The following FGF14 variants were observed in gnomAD, a reference collection of about 807,000 sequenced individuals.
FGF14 encodes fibroblast growth factor homologous factor 4.
In FGF14, 5 loss-of-function variants were observed where a neutral mutation model predicts 25.5. The observed-to-expected ratio is 0.20, with a 90% CI of 0.10 to 0.41. The LOEUF (loss-of-function observed/expected upper bound fraction) is 0.41, where lower values mean the gene tolerates loss of function less well. Ranked by LOEUF, FGF14 falls within the 10% of genes least tolerant of loss-of-function variation. The pLI, the probability that FGF14 is intolerant of heterozygous loss-of-function variation, is 1.00. For synonymous variants in FGF14, 138 were observed against 118.3 expected, an observed-to-expected ratio of 1.17 and a Z score of -1.08; for missense variants, 222 against 320.1, an observed-to-expected ratio of 0.69 and a Z score of 2.34.
chr13:101,823,896 T>C (rs1323319672), intron 3 of FGF14, among the ~76,000 whole-genome samples: 1 of 127,206 alleles, frequency 7.9e-6, no homozygotes, highest in Non-Finnish European at 1.7e-5. Context: ...CTATATGGCA[T>C]TGTTACTGTT....
intron 3 of FGF14, among the ~76,000 whole-genome samples, chr13:101,786,641 C>T (rs112620000): frequency 0.016 from 2,429 of 152,016 alleles, 61 homozygotes; most frequent in African/African-American, 0.056. Flanking sequence ...GGATTAGGGC[C>T]CACCCTAATT....
At chr13:102,085,909 G>A (rs1448584311) in intron 1 of FGF14, among the ~76,000 whole-genome samples, 2 of 152,148 alleles carry the variant, frequency 1.3e-5, no homozygotes, top group Admixed American at 6.5e-5. Context: ...TTCTACTCCA[G>A]GAAGTTTGTT....
chr13:102,056,336 T>C (rs1334935617), intron 1 of FGF14, among the ~76,000 whole-genome samples: 1 of 152,184 alleles, frequency 6.6e-6, no homozygotes, highest in Non-Finnish European at 1.5e-5. Flanking sequence ...CAACAATCAT[T>C]TACCTTTGTT....
intron 1 of FGF14, among the ~76,000 whole-genome samples, chr13:102,102,541 G>T (rs1471526237): frequency 6.6e-6 from 1 of 152,236 alleles, no homozygotes; most frequent in African/African-American, 2.4e-5. Flanking sequence ...GGGGCAGAAG[G>T]CCACTATTTT....
At chr13:102,116,091 CAA>C (rs1309109505) in intron 1 of FGF14, among the ~76,000 whole-genome samples, 1 of 152,140 alleles carries the variant, frequency 6.6e-6, no homozygotes, top group Admixed American at 6.5e-5. Context: ...GCCTGGGCAA[CAA>C]GAGCGAAATT....
intron 1 of FGF14, among the ~76,000 whole-genome samples, chr13:102,226,570 T>A (rs1373552275): frequency 6.6e-6 from 1 of 152,246 alleles, no homozygotes. Context: ...CAATGCTTCC[T>A]CCTGGCTTTC....
intron 3 of FGF14, among the ~76,000 whole-genome samples, chr13:101,806,236 G>C (rs899447055): frequency 1.3e-5 from 2 of 151,614 alleles, no homozygotes; most frequent in African/African-American, 4.8e-5. Context: ...CCTGGCCAAC[G>C]TGATGAAACC....
intron 1 of FGF14, among the ~76,000 whole-genome samples, chr13:102,020,446 C>T (rs757084717): frequency 5.3e-5 from 8 of 151,632 alleles, no homozygotes; most frequent in Non-Finnish European, 1.2e-4. Context: ...TACTTGGGAG[C>T]CTGAGGCAGG....
chr13:101,962,153 A>T (rs2036897724), intron 1 of FGF14, among the ~76,000 whole-genome samples: 1 of 152,188 alleles, frequency 6.6e-6, no homozygotes, highest in Non-Finnish European at 1.5e-5. Flanking sequence ...TACTTTGGGC[A>T]TTATGGCCAT....
At chr13:102,116,713 G>A (rs1406294486) in intron 1 of FGF14, among the ~76,000 whole-genome samples, 2 of 152,174 alleles carry the variant, frequency 1.3e-5, no homozygotes, top group Admixed American at 1.3e-4. Flanking sequence ...GTTTGTTTGA[G>A]ATGATAAAAA....
At chr13:102,296,271 G>A (rs2054706010) in intron 1 of FGF14, among the ~76,000 whole-genome samples, 1 of 152,114 alleles carries the variant, frequency 6.6e-6, no homozygotes, top group South Asian at 2.1e-4. Context: ...TTGACATAGT[G>A]TAGGAGTCTG....
intron 1 of FGF14, among the ~76,000 whole-genome samples, chr13:101,986,146 A>T (rs1727255675): frequency 6.6e-6 from 1 of 152,130 alleles, no homozygotes; most frequent in African/African-American, 2.4e-5. Context: ...CTATTATAAG[A>T]TTAATAAACC....
At chr13:101,842,764 T>C (rs2043252783) in intron 3 of FGF14, among the ~76,000 whole-genome samples, 1 of 152,046 alleles carries the variant, frequency 6.6e-6, no homozygotes, top group African/African-American at 2.4e-5. Context: ...TTTAGTCTTT[T>C]GCCTGAAGCA....
At chr13:101,851,517 T>C (rs774976686) in intron 3 of FGF14, among the ~76,000 whole-genome samples, 10 of 152,066 alleles carry the variant, frequency 6.6e-5, no homozygotes, top group Non-Finnish European at 1.0e-4. Flanking sequence ...ATTTAAGCAA[T>C]GTACAATCTG....
intron 1 of FGF14, among the ~76,000 whole-genome samples, chr13:102,264,530 G>T (rs888403020): frequency 3.6e-5 from 5 of 138,310 alleles, no homozygotes; most frequent in Admixed American, 2.2e-4. Flanking sequence ...GGCCTCATTT[G>T]GTCCTATACG....
chr13:102,316,715 T>G (rs567649845), intron 1 of FGF14, among the ~76,000 whole-genome samples: 1 of 152,322 alleles, frequency 6.6e-6, no homozygotes, highest in East Asian at 1.9e-4. Context: ...TATTGTAGGC[T>G]TTAACCTTTT....
chr13:101,896,677 C>G (rs916402743), intron 1 of FGF14, among the ~76,000 whole-genome samples: 15 of 152,138 alleles, frequency 9.9e-5, no homozygotes, highest in African/African-American at 3.4e-4. Context: ...CTCAGATAAG[C>G]AATTTTTTGG....
intron 1 of FGF14, among the ~76,000 whole-genome samples, chr13:102,106,170 G>A (rs2140303570): frequency 6.6e-6 from 1 of 152,248 alleles, no homozygotes; most frequent in African/African-American, 2.4e-5. Flanking sequence ...ATTTTTATGT[G>A]CAGTAAGTCA....
intron 1 of FGF14, among the ~76,000 whole-genome samples, chr13:101,925,889 C>T (rs1376526977): frequency 6.6e-6 from 1 of 152,148 alleles, no homozygotes; most frequent in Non-Finnish European, 1.5e-5. Context: ...GAATCCATTT[C>T]CCTGCTGCTT....
Sources: gnomAD v4.1 joint callset for allele counts (sites outside exome capture counted in the v4.1 genomes callset) on GRCh38, gnomAD v4.1.1 for gene constraint, MANE v1.5 for transcripts, NCBI Gene and HGNC (gene_info 2026-07-23, HGNC 2026-07-21) for gene names.